ELK3: variants seen among roughly 807,000 people sequenced by gnomAD.
The protein encoded by ELK3 is ETS transcription factor ELK3.
Under a neutral mutation model 28.9 loss-of-function variants are expected in ELK3, and 10 were observed. That is an observed-to-expected ratio of 0.35 (90% confidence interval 0.21 to 0.59). The LOEUF (loss-of-function observed/expected upper bound fraction) is 0.59, where lower values mean the gene tolerates loss of function less well. Ranked by LOEUF, ELK3 falls within the 20% of genes least tolerant of loss-of-function variation. ELK3 has a pLI of 0.82. For synonymous variants in ELK3, 272 were observed against 243.5 expected (o/e 1.12, Z -1.09); for missense variants, 463 against 517.3 (o/e 0.90, Z 1.02).
chr12:96,249,444 A>C (rs1235201043), intron 3 of ELK3, among the ~76,000 whole-genome samples: 1 of 152,146 alleles, frequency 6.6e-6, no homozygotes, highest in East Asian at 1.9e-4. Flanking sequence ...GTGTGCTCTT[A>C]AATCAGGCAT....
chr12:96,232,653 T>C (rs1453743757), intron 2 of ELK3, among the ~76,000 whole-genome samples: 1 of 151,336 alleles, frequency 6.6e-6, no homozygotes, highest in Non-Finnish European at 1.5e-5. Context: ...CTCACACCTG[T>C]AATCCCAGTA....
chr12:96,203,636 C>G (rs558628116), intron 1 of ELK3, among the ~76,000 whole-genome samples: 8 of 152,092 alleles, frequency 5.3e-5, no homozygotes, highest in African/African-American at 1.9e-4. Context: ...ATAGGCAGAT[C>G]TCTTGGTTAA....
At chr12:96,262,116 C>T (rs1480424570) in intron 4 of ELK3, among the ~76,000 whole-genome samples, 1 of 151,350 alleles carries the variant, frequency 6.6e-6, no homozygotes, top group African/African-American at 2.4e-5. Flanking sequence ...CCTCCTGGGT[C>T]CAAGTGATTC....
intron 2 of ELK3, among the ~76,000 whole-genome samples, chr12:96,240,351 A>G (rs985586957): frequency 6.6e-6 from 1 of 152,232 alleles, no homozygotes; most frequent in Non-Finnish European, 1.5e-5. Flanking sequence ...TGTAAAAATG[A>G]TGATAATACT....
At chr12:96,244,447 ATTTTT>A (rs34067649) in intron 2 of ELK3, among the ~76,000 whole-genome samples, 5 of 139,604 alleles carry the variant, frequency 3.6e-5, no homozygotes, top group African/African-American at 1.0e-4. Flanking sequence ...GAAAATTAGA[ATTTTT>A]TTTTTTTTTT....
At chr12:96,217,556 G>A (rs1264812400) in intron 1 of ELK3, among the ~76,000 whole-genome samples, 1 of 152,140 alleles carries the variant, frequency 6.6e-6, no homozygotes, top group Non-Finnish European at 1.5e-5. Flanking sequence ...ACTGAATTAT[G>A]AGTGAAATAA....
At chr12:96,202,043 CT>C (rs1423742331) in intron 1 of ELK3, among the ~76,000 whole-genome samples, 2 of 152,160 alleles carry the variant, frequency 1.3e-5, no homozygotes, top group Non-Finnish European at 2.9e-5. Context: ...ATTCCTCCTC[CT>C]TCCTTCTGAT....
rs2137042466 is a variant in ELK3, at chr12:96,259,761, C to T, written c.1033C>T (p.Pro345Ser). ...TPNGLLLTPS[P>S]LLSSIHFWSS... ...AAATGGATTGCTTCTGACTCCGAGT[C>T]CACTGCTCTCCAGCATACATTTCTG... Residue 345 changes from proline to serine, a missense_variant, in exon 4 of 5, where the codon CCA becomes TCA. This residue lies in a region of ELK3 where 408 missense variants were observed against 414.8 expected (regional missense o/e 0.98). Coordinates refer to ENST00000228741, the MANE Select transcript of ELK3 (RefSeq NM_005230.4). The T allele has an allele frequency of 1.2e-6, 2 of 1,610,912 alleles. No individual in the cohort carries two copies. Among genetic ancestry groups the T allele is most frequent in the Non-Finnish European group, 1.7e-6 (2 of 1,178,872 alleles).
chr12:96,215,853 C>T (rs1375234284), intron 1 of ELK3, among the ~76,000 whole-genome samples: 3 of 151,998 alleles, frequency 2.0e-5, no homozygotes, highest in Admixed American at 6.5e-5. Context: ...AGGCTGGTCT[C>T]GAATTCCTGG....
Position 96,218,648 on chromosome 12 carries a change from A to ATT in ELK3, c.-2-4900_-2-4899dup, listed in dbSNP as rs144305445. Reference sequence around the variant, plus strand: ...GGGTCTAGGCAGGGGAAAGATAAGCATTTTTTTTTTTTTTTTTTGAGACAG... The same window carrying ATT: ...GGGTCTAGGCAGGGGAAAGATAAGCATTTTTTTTTTTTTTTTTTTTGAGACAG... On this transcript the variant is annotated intron_variant, in intron 1 of 4. Coordinates refer to ENST00000228741, the MANE Select transcript of ELK3 (RefSeq NM_005230.4). Among the ~76,000 whole-genome samples the ATT allele has an allele frequency of 3.4e-3, 445 of 131,086 alleles. 7 individuals carry two copies. The highest frequency in any genetic ancestry group is 0.011 in the African/African-American group (408 of 35,520). 86.0% of individuals were successfully genotyped at this position (131,086 alleles called of 152,430 possible). A position where few individuals can be genotyped will look rare whatever the true frequency, so the allele number is the denominator to read the frequency against.
chr12:96,256,388 G>A (rs1391656581), intron 3 of ELK3, among the ~76,000 whole-genome samples: 1 of 152,092 alleles, frequency 6.6e-6, no homozygotes, highest in Admixed American at 6.5e-5. Flanking sequence ...TTGCACTCTC[G>A]GTCAGTATTT....
At position 96,267,895 on chromosome 12, in the gene ELK3, C is replaced by T. The variant is rs1317564750; in HGVS notation, c.*715C>T. On this transcript the variant is annotated 3_prime_UTR_variant, in exon 5 of 5. Transcript: ENST00000228741. ...GACCTTGAAAGGCTAGCCTCCTTAG[C>T]TGTTTACAGTATCTTATCTTTTAGA... 1 of 152,488 alleles carries T rather than the reference C, an allele frequency of 6.6e-6. No homozygotes were observed. The highest frequency in any genetic ancestry group is 2.4e-5 in the African/African-American group (1 of 41,424). The allele number at this position is 152,488 out of a possible 1,614,324, so 9.4% of individuals were successfully genotyped here.
intron 1 of ELK3, among the ~76,000 whole-genome samples, chr12:96,200,045 C>G (rs1592666880): frequency 6.6e-6 from 1 of 152,046 alleles, no homozygotes; most frequent in Admixed American, 6.5e-5. Flanking sequence ...AAACACTTAT[C>G]TAGATACCTT....
intron 1 of ELK3, among the ~76,000 whole-genome samples, chr12:96,216,436 C>G (rs906220283): frequency 1.3e-5 from 2 of 152,206 alleles, no homozygotes; most frequent in Non-Finnish European, 2.9e-5. Flanking sequence ...TTTGTGCTTT[C>G]ATATTTGATG....
chr12:96,248,686 T>C (rs552069843), intron 3 of ELK3, among the ~76,000 whole-genome samples: 1 of 152,226 alleles, frequency 6.6e-6, no homozygotes, highest in East Asian at 1.9e-4. Context: ...GCTGCACCCG[T>C]CCCCTGCCTC....
At chr12:96,205,166 G>A (rs998342617) in intron 1 of ELK3, among the ~76,000 whole-genome samples, 1 of 152,232 alleles carries the variant, frequency 6.6e-6, no homozygotes. Flanking sequence ...AAGAATCATT[G>A]TTTCACAACG....
At chr12:96,266,860 ATAAT>A (rs1193184820) in intron 4 of ELK3, among the ~76,000 whole-genome samples, 3 of 152,214 alleles carry the variant, frequency 2.0e-5, no homozygotes, top group Non-Finnish European at 4.4e-5. Context: ...TGCATATAGA[ATAAT>A]TAGGGACATT....
chr12:96,242,677 G>A (rs924681303), intron 2 of ELK3, among the ~76,000 whole-genome samples: 5 of 152,136 alleles, frequency 3.3e-5, no homozygotes, highest in African/African-American at 7.2e-5. Flanking sequence ...GCACCGCTGT[G>A]GGGGGCTTTC....
At chr12:96,238,640 C>T (rs1474910340) in intron 2 of ELK3, among the ~76,000 whole-genome samples, 1 of 152,240 alleles carries the variant, frequency 6.6e-6, no homozygotes, top group Non-Finnish European at 1.5e-5. Flanking sequence ...GTCTGCTGCA[C>T]TGGGAGTGCT....
Sources: allele counts gnomAD v4.1 joint callset (sites outside exome capture counted in the v4.1 genomes callset), GRCh38; gene constraint gnomAD v4.1.1; regional missense constraint gnomAD v4.1.1; transcripts MANE v1.5; gene names NCBI Gene and HGNC (gene_info 2026-07-23, HGNC 2026-07-21).